Variants in C11orf65 observed in about 807,000 individuals in gnomAD.
C11orf65 encodes protein MFI.
C11orf65 carries 38 observed loss-of-function variants against 35.3 expected under a neutral mutation model. The ratio of observed to expected loss-of-function variants is 1.08; its 90% CI spans 0.83 to 1.41. The LOEUF is 1.41. Among genes scored for constraint, C11orf65 ranks in the 40% most tolerant of loss-of-function variants. The pLI is 0.00. For missense variants in C11orf65, 370 were observed against 367.1 expected (o/e 1.01, Z -0.06); for synonymous variants, 105 against 114.4 (o/e 0.92, Z 0.53).
intron 2 of C11orf65, among the ~76,000 whole-genome samples, chr11:108,375,931 G>A (rs2091710616): frequency 6.6e-6 from 1 of 152,178 alleles, no homozygotes; most frequent in Admixed American, 6.5e-5. Context: ...AACAAGAAGA[G>A]CTAACTATCC....
chr11:108,317,613 TTTTATATATA>T (rs1565503929), intron 6 of C11orf65: 4 of 270,302 alleles, frequency 1.5e-5, no homozygotes, highest in African/African-American at 1.4e-4. Flanking sequence ...ACAGGAGTTG[TTTTATATATA>T]TATATATATA....
intron 3 of C11orf65, among the ~76,000 whole-genome samples, chr11:108,430,616 G>A (rs931904829): frequency 5.9e-5 from 9 of 151,984 alleles, no homozygotes; most frequent in African/African-American, 2.2e-4. Flanking sequence ...GGCCAAGGTA[G>A]GCAGATCACT....
intron 3 of C11orf65, among the ~76,000 whole-genome samples, chr11:108,423,308 A>G (rs1396918186): frequency 6.6e-6 from 1 of 152,198 alleles, no homozygotes; most frequent in African/African-American, 2.4e-5. Context: ...ACCCCCATGG[A>G]GCCCAGCAAG....
downstream of C11orf65, chr11:108,327,409 C>A: frequency 2.2e-6 from 1 of 460,840 alleles, no homozygotes; most frequent in Non-Finnish European, 4.0e-6. Flanking sequence ...TATATAAGTA[C>A]TCAATAAATG....
intron 7 of C11orf65, among the ~76,000 whole-genome samples, chr11:108,388,055 CT>C (rs1368990445): frequency 6.6e-6 from 1 of 152,190 alleles, no homozygotes; most frequent in East Asian, 1.9e-4. Flanking sequence ...AGACTTTGTG[CT>C]TTCAGTGGTT....
Position 108,443,112 on chromosome 11 carries a change from G to C in C11orf65, c.82-11274C>G, listed in dbSNP as rs552657310. On this transcript the variant is annotated intron_variant, in intron 2 of 8. Transcript: ENST00000393084. ...AGACACACATAGGCTCAAAATAAAG[G>C]GATGGAGGAAGATCTAACAAGCAAA... 2.2e-4 allele frequency among the ~76,000 whole-genome samples: 34 copies of C among 152,150 alleles called. No individual in the cohort carries two copies. The South Asian group carries it at 4.4e-3, about 20-fold the overall frequency.
intron 2 of C11orf65, among the ~76,000 whole-genome samples, chr11:108,437,966 A>G (rs1351250926): frequency 6.6e-6 from 1 of 152,140 alleles, no homozygotes; most frequent in African/African-American, 2.4e-5. Context: ...TAAGTGAAAA[A>G]GTGTGAGTTG....
rs1279399761 is a variant in C11orf65, at chr11:108,453,738, C to T, written c.81+7741G>A. On this transcript the variant is annotated intron_variant, in intron 2 of 8. Coordinates refer to ENST00000393084, the MANE Select transcript of C11orf65 (RefSeq NM_152587.5). The stretch of plus-strand genomic sequence containing the variant: ...ATTTATTGATTTGTATATGTTGAAC[C>T]ACCTTGCACACAAAGGATAAATCTC... Among the ~76,000 whole-genome samples the T allele has an allele frequency of 5.3e-5, 8 of 152,086 alleles. No homozygotes were observed. In the East Asian group the frequency reaches 1.5e-3, roughly 29 times the overall value.
chr11:108,401,532 A>G (rs1341800011), intron 6 of C11orf65, among the ~76,000 whole-genome samples: 2 of 152,198 alleles, frequency 1.3e-5, no homozygotes, highest in Non-Finnish European at 2.9e-5. Flanking sequence ...CTCAAGTCAT[A>G]AAACATGTTT....
intron 1 of C11orf65, among the ~76,000 whole-genome samples, chr11:108,465,031 C>A (rs1268329237): frequency 1.3e-5 from 2 of 152,106 alleles, no homozygotes; most frequent in Admixed American, 1.3e-4. Flanking sequence ...TTAATACTTT[C>A]CAAGAACTAA....
At position 108,461,567 on chromosome 11, in the gene C11orf65, T is replaced by C. The variant is rs762980681; in HGVS notation, c.-8A>G. 1 of 1,574,094 alleles carries C rather than the reference T, an allele frequency of 6.4e-7. No individual in the cohort carries two copies. The highest frequency in any genetic ancestry group is 8.7e-7 in the Non-Finnish European group (1 of 1,153,330). On this transcript the variant is annotated splice_region_variant and 5_prime_UTR_variant, in exon 2 of 9. Coordinates refer to ENST00000393084, the MANE Select transcript of C11orf65 (RefSeq NM_152587.5). The stretch of plus-strand genomic sequence containing the variant: ...TTCCTCTTTCCAAGGCATTTGAAAT[T>C]CCTAAAAGAAAATGAGCAAAAAGGG...
At chr11:108,328,321 A>G (rs2085896252), downstream of C11orf65, among the ~76,000 whole-genome samples, 1 of 152,162 alleles carries the variant, frequency 6.6e-6, no homozygotes, top group Non-Finnish European at 1.5e-5. Context: ...ATCTCGGCTC[A>G]CTGCAACCTC....
rs780220342 is a variant in C11orf65 at position 108,393,324 on chromosome 11, T to TAGTCCTAGAGTTTC, written c.601_614dup (p.Ile206LysfsTer3). On this transcript the variant is annotated stop_gained and frameshift_variant, in exon 7 of 9. Coordinates refer to ENST00000393084, the MANE Select transcript of C11orf65 (RefSeq NM_152587.5). LOFTEE classifies it high-confidence loss of function. ...TCAGCCCCTTTGTTGCAGTGTGAATTAGTCCTAGAGTTTCATGATGTGTTG... is the reference window on the plus strand; with the variant it reads ...TCAGCCCCTTTGTTGCAGTGTGAATTAGTCCTAGAGTTTCAGTCCTAGAGTTTCATGATGTGTTG... 1.2e-6 allele frequency: 2 copies of TAGTCCTAGAGTTTC among 1,614,096 alleles called. No individual in the cohort carries two copies. Among genetic ancestry groups the TAGTCCTAGAGTTTC allele is most frequent in the African/African-American group, 2.7e-5 (2 of 75,054 alleles).
chr11:108,363,166 G>A (rs1012127137), intron 2 of C11orf65, among the ~76,000 whole-genome samples: 1 of 152,044 alleles, frequency 6.6e-6, no homozygotes, highest in African/African-American at 2.4e-5. Context: ...CTTTAGGAGG[G>A]TGCTTCTCAA....
rs3218677 is a variant in C11orf65 at position 108,321,432 on chromosome 11, G to T, written c.641-12361C>A. On this transcript the variant is annotated intron_variant, in intron 6 of 6. Transcript: ENST00000525729. ...GAGCTTTTCTCAAGGTATGTAATTC[G>T]TATGACTTTGTTATCCTAAAGTGCA... The T allele has an allele frequency of 2.3e-3, 3,748 of 1,613,882 alleles. 84 individuals are homozygous for T. The African/African-American group carries it at 0.043, about 18-fold the overall frequency.
intron 2 of C11orf65, among the ~76,000 whole-genome samples, chr11:108,433,452 C>T (rs914124586): frequency 4.3e-4 from 66 of 152,004 alleles, no homozygotes; most frequent in Admixed American, 2.0e-3. Context: ...TGGTGGCAGG[C>T]GCCTGCAGTC....
rs984098340 is a variant in C11orf65, at chr11:108,334,530, A to C, written c.299+690T>G. On this transcript the variant is annotated intron_variant, in intron 3 of 3. Transcript: ENST00000524755. ...AGTTTAGAAAATGATCATCTTAAAT[A>C]CATTGTCTTTCTTTTCATTTTGCAG... Among the ~76,000 whole-genome samples the C allele has an allele frequency of 3.3e-5, 5 of 152,164 alleles. No individual in the cohort carries two copies. The South Asian group carries it at 6.2e-4, about 19-fold the overall frequency.
At chr11:108,374,558 G>A (rs1480119683) in intron 2 of C11orf65, among the ~76,000 whole-genome samples, 1 of 152,172 alleles carries the variant, frequency 6.6e-6, no homozygotes, top group African/African-American at 2.4e-5. Context: ...AGAAAAACTG[G>A]AAACTCTAAA....
chr11:108,312,437 A>G lies in C11orf65; in HGVS notation c.641-3366T>C, dbSNP rs543980602. The stretch of plus-strand genomic sequence containing the variant: ...AGTCTTGCATTTGAAGAAGGAAGCC[A>G]GAGTACAACTATTTCTAGCTTGAGT... On this transcript the variant is annotated intron_variant, in intron 6 of 6. Coordinates refer to the C11orf65 transcript ENST00000525729. The G allele has an allele frequency of 1.3e-5, 20 of 1,597,350 alleles. No individual in the cohort carries two copies. In the East Asian group the frequency reaches 3.6e-4, roughly 29 times the overall value.
Sources: gnomAD v4.1 joint callset for allele counts (sites outside exome capture counted in the v4.1 genomes callset) on GRCh38, gnomAD v4.1.1 for gene constraint, MANE v1.5 for transcripts, NCBI Gene and HGNC (gene_info 2026-07-23, HGNC 2026-07-21) for gene names.